DNAH17: variants seen among roughly 807,000 people sequenced by gnomAD.
DNAH17 encodes the protein dynein axonemal heavy chain 17, also known as axonemal beta dynein heavy chain 17.
DNAH17 carries 376 observed loss-of-function variants against 485.6 expected under a neutral mutation model. The ratio of observed to expected loss-of-function variants is 0.77; its 90% CI spans 0.71 to 0.84. DNAH17 has a LOEUF of 0.84. Ranked by LOEUF, DNAH17 falls within the 40% of genes least tolerant of loss-of-function variation. The probability of loss-of-function intolerance (pLI) is 0.00; values close to 1 mark genes in which losing one functional copy is unlikely to be tolerated. For synonymous variants in DNAH17, 3,031 were observed against 2,405.9 expected (o/e 1.26, Z -7.60); for missense variants, 6,370 against 5,839.3 (o/e 1.09, Z -2.96).
chr17:78,504,628 G>A (rs1475951711), intron 31 of DNAH17, among the ~76,000 whole-genome samples: 3 of 152,052 alleles, frequency 2.0e-5, no homozygotes, highest in Non-Finnish European at 2.9e-5. Context: ...ATGTTAAAAT[G>A]GTTTCTATTG....
At position 78,529,423 on chromosome 17, in the gene DNAH17, A is replaced by T. The variant is rs755755823; in HGVS notation, c.3507+49T>A. On this transcript the variant is annotated intron_variant, in intron 22 of 80. Coordinates refer to ENST00000389840, the MANE Select transcript of DNAH17 (RefSeq NM_173628.4). ...GGGCTGGTCCATGGTCGCGGCCGGGATGGCTCTCCCTGCTCACCTGGACGC... is the reference window on the plus strand; with the variant it reads ...GGGCTGGTCCATGGTCGCGGCCGGGTTGGCTCTCCCTGCTCACCTGGACGC... The T allele has an allele frequency of 5.7e-6, 9 of 1,591,492 alleles. No individual in the cohort carries two copies. The Admixed American group carries it at 1.5e-4, about 27-fold the overall frequency.
At chr17:78,499,824 G>C (rs2090208331) in intron 36 of DNAH17, 1 of 153,850 alleles carries the variant, frequency 6.5e-6, no homozygotes, top group South Asian at 2.0e-4. Flanking sequence ...CTTGCAAGAG[G>C]CTGCTGCAGC....
In DNAH17 at chr17:78,571,938, C is replaced by A. The variant is rs4969191; in HGVS notation, c.540-156G>T. ...GGTGCCTCCAGCCACCTCGGGGACG[C>A]TAAAGAAGTTCCCAAGACTCCCAGC... On this transcript the variant is annotated intron_variant, in intron 3 of 80. Transcript: ENST00000389840. 0.32 allele frequency among the ~76,000 whole-genome samples: 49,219 copies of A among 151,970 alleles called. 8,296 individuals carry two copies. Among genetic ancestry groups the A allele is most frequent in the Admixed American group, 0.44 (6,688 of 15,280 alleles).
At chr17:78,506,893 A>G in intron 29 of DNAH17, 47 bp from the exon 30 acceptor site, 1 of 1,609,134 alleles carries the variant, frequency 6.2e-7, no homozygotes, top group Non-Finnish European at 8.5e-7. Context: ...CCTACTCTGT[A>G]GGGATGTCTG....
chr17:78,477,996 C>CACCATCATCACCAT (rs1568117274), intron 51 of DNAH17, among the ~76,000 whole-genome samples: 1 of 131,918 alleles, frequency 7.6e-6, no homozygotes, highest in East Asian at 2.1e-4. Context: ...ACCATCACCA[C>CACCATCATCACCAT]CACCATCATC....
chr17:78,434,024 C>T lies in DNAH17; in HGVS notation c.12225+5G>A, dbSNP rs897175485. On this transcript the variant is annotated splice_donor_5th_base_variant and intron_variant, in intron 75 of 80. Transcript: ENST00000389840. ...TCCAAGTACAGGGCACACACAGCCC[C>T]TCACCTTGGGGTTGGCCTCCAGGTA... 1.9e-6 allele frequency: 3 copies of T among 1,587,860 alleles called. No homozygotes were observed. In the South Asian group the frequency reaches 3.4e-5, roughly 18 times the overall value.
chr17:78,515,859 C>T (rs571653694), intron 25 of DNAH17, among the ~76,000 whole-genome samples: 1 of 152,302 alleles, frequency 6.6e-6, no homozygotes, highest in South Asian at 2.1e-4. Flanking sequence ...GGGGTTGTTA[C>T]CGCACAGTAA....
intron 79 of DNAH17, 82 bp from the exon 80 acceptor site, chr17:78,425,653 G>A (rs1223649378): frequency 1.5e-6 from 2 of 1,313,592 alleles, no homozygotes; most frequent in African/African-American, 1.5e-5. Context: ...CTGAGCAGGG[G>A]TCACGCCAGA....
chr17:78,503,012 C>G lies in DNAH17; in HGVS notation c.4957-1G>C. ...GCACTCGATTCAGCCACACTTCCACCTGGGGACGGGAGCCACGGTGACCAA... is the reference window on the plus strand; with the variant it reads ...GCACTCGATTCAGCCACACTTCCACGTGGGGACGGGAGCCACGGTGACCAA... On this transcript the variant is annotated splice_acceptor_variant, in intron 31 of 80. Coordinates refer to ENST00000389840, the MANE Select transcript of DNAH17 (RefSeq NM_173628.4). LOFTEE classifies it high-confidence loss of function. 6.2e-7 allele frequency: 1 copy of G among 1,613,180 alleles called. No individual in the cohort carries two copies. The highest frequency in any genetic ancestry group is 8.5e-7 in the Non-Finnish European group (1 of 1,179,560).
chr17:78,466,572 CT>C, intron 56 of DNAH17, 82 bp downstream of exon 56: 1 of 1,399,048 alleles, frequency 7.1e-7, no homozygotes. Context: ...TCCCAGCGCC[CT>C]TTTCTCCCAG....
intron 58 of DNAH17, 145 bp from the exon 59 acceptor site, chr17:78,460,402 GTA>G: frequency 1.4e-6 from 1 of 696,880 alleles, no homozygotes; most frequent in South Asian, 1.8e-5. Flanking sequence ...GTGCATGAGT[GTA>G]TGTGTGTGCA....
At chr17:78,449,311 G>T in intron 69 of DNAH17, 103 bp downstream of exon 69, 1 of 1,257,722 alleles carries the variant, frequency 8.0e-7, no homozygotes, top group Non-Finnish European at 1.1e-6. Context: ...AAATCACCAG[G>T]TTTGGGTGGG....
chr17:78,427,080 T>C lies in DNAH17; in HGVS notation c.12617A>G (p.Glu4206Gly). ...CATGTTGAAAGTCTCCGGAATCTTC[T>C]CCAGGATGTCGTCCAGCACGGCCTT... ...KVKAVLDDIL[E>G]KIPETFNMAE... Residue 4206 changes from glutamate to glycine, a missense_variant, in exon 78 of 81, where the codon GAG (glutamate) becomes GGG (glycine). Transcript: ENST00000389840. The C allele has an allele frequency of 6.3e-7, 1 of 1,585,314 alleles. No individual in the cohort carries two copies. The highest frequency in any genetic ancestry group is 2.3e-5 in the East Asian group (1 of 43,410).
chr17:78,449,509 G>T lies in DNAH17; in HGVS notation c.11116C>A (p.Leu3706Met), dbSNP rs1451742653. ...ANEVKQRVIN[L>M]TDEITYSVYM... ...ACGGAGTAGGTGATCTCGTCCGTCAGGTTGATCACCCGCTGCTTCACCTCG... is the reference window on the plus strand; with the variant it reads ...ACGGAGTAGGTGATCTCGTCCGTCATGTTGATCACCCGCTGCTTCACCTCG... The change falls in exon 69 of 81, where the codon CTG becomes ATG. Residue 3706 changes from leucine (L) to methionine (M), a missense_variant. By Grantham distance (15) the Leu-to-Met change is conservative. Transcript: ENST00000389840. 5 of 1,592,214 alleles carry T rather than the reference G, an allele frequency of 3.1e-6. No individual in the cohort carries two copies. In the South Asian group the frequency reaches 5.7e-5, roughly 18 times the overall value.
At position 78,471,684 on chromosome 17, in the gene DNAH17, G is replaced by A. The variant is rs185168097; in HGVS notation, c.8512-2801C>T. Among the ~76,000 whole-genome samples the A allele has an allele frequency of 8.5e-5, 13 of 152,152 alleles. No individual in the cohort carries two copies. The East Asian group carries it at 2.3e-3, about 27-fold the overall frequency. On this transcript the variant is annotated intron_variant, in intron 54 of 80. Transcript: ENST00000389840. The stretch of plus-strand genomic sequence containing the variant: ...GCTAGGATTACAGGCTTGAGCCACC[G>A]CTCCCGGCCCGTCTGGCTTTCACAG...
intron 51 of DNAH17, among the ~76,000 whole-genome samples, chr17:78,478,161 C>T (rs1471629305): frequency 6.7e-6 from 1 of 148,220 alleles, no homozygotes; most frequent in East Asian, 2.1e-4. Context: ...TCACCATTAC[C>T]ACCATAACAT....
At chr17:78,514,086 C>G (rs975026521) in intron 26 of DNAH17, among the ~76,000 whole-genome samples, 57 of 152,240 alleles carry the variant, frequency 3.7e-4, no homozygotes, top group African/African-American at 1.3e-3. Flanking sequence ...GTCATGAGGA[C>G]CCTAGCGAAG....
At chr17:78,481,238 G>A (rs1441683695) in intron 48 of DNAH17, among the ~76,000 whole-genome samples, 1 of 151,036 alleles carries the variant, frequency 6.6e-6, no homozygotes, top group Non-Finnish European at 1.5e-5. Context: ...GAGTAGCTGA[G>A]ACTACAGGTG....
At chr17:78,456,156 A>G (rs1022318987) in intron 62 of DNAH17, among the ~76,000 whole-genome samples, 10 of 152,024 alleles carry the variant, frequency 6.6e-5, no homozygotes, top group African/African-American at 2.2e-4. Context: ...AAAATTAGCC[A>G]GGCGTGGTGG....
Sources: gnomAD v4.1 joint callset for allele counts (sites outside exome capture counted in the v4.1 genomes callset) on GRCh38, gnomAD v4.1.1 for gene constraint, MANE v1.5 for transcripts, NCBI Gene and HGNC (gene_info 2026-07-23, HGNC 2026-07-21) for gene names.